Variants in CEP112 observed in about 807,000 individuals in gnomAD.
CEP112 encodes the protein centrosomal protein of 112 kDa.
In CEP112, 127 loss-of-function variants were observed where a neutral mutation model predicts 153.0. The observed-to-expected ratio is 0.83, with a 90% CI of 0.72 to 0.96. The LOEUF is 0.96. CEP112 is among the 40% of genes least tolerant of loss of function. The pLI is 0.00. For missense variants in CEP112, 1,089 were observed against 1,101.2 expected, an observed-to-expected ratio of 0.99 and a Z score of 0.16; for synonymous variants, 358 against 374.4, an observed-to-expected ratio of 0.96 and a Z score of 0.51.
chr17:66,122,539 C>T lies in CEP112; in HGVS notation c.642+7207G>A, dbSNP rs2069650057. 2.0e-5 allele frequency among the ~76,000 whole-genome samples: 3 copies of T among 152,068 alleles called. No individual in the cohort carries two copies. In the South Asian group the frequency reaches 6.2e-4, roughly 32 times the overall value. On this transcript the variant is annotated intron_variant, in intron 6 of 26. Coordinates refer to ENST00000535342, the MANE Select transcript of CEP112 (RefSeq NM_001199165.4). ...CACAGGGTGAAGACTTTGGAATCACCCCTCAGTGTATGCAGCCTTGGGCAT... is the reference window on the plus strand; with the variant it reads ...CACAGGGTGAAGACTTTGGAATCACTCCTCAGTGTATGCAGCCTTGGGCAT...
Position 65,923,320 on chromosome 17 carries a change from T to C in CEP112, c.1980+4262A>G, listed in dbSNP as rs182199903. ...TTTGTTGGTCATTTTTTACATTGCA[T>C]ATAAATTGTCTGAATTTATTTTCTA... On this transcript the variant is annotated intron_variant, in intron 19 of 26. Transcript: ENST00000535342. Among the ~76,000 whole-genome samples the C allele has an allele frequency of 5.3e-5, 8 of 152,346 alleles. No individual in the cohort carries two copies. The East Asian group carries it at 1.3e-3, about 26-fold the overall frequency.
At chr17:65,977,766 C>A (rs547651406) in intron 17 of CEP112, among the ~76,000 whole-genome samples, 2 of 152,066 alleles carry the variant, frequency 1.3e-5, no homozygotes, top group Non-Finnish European at 2.9e-5. Context: ...CAACGTGAGA[C>A]CCTGTCTTTA....
intron 20 of CEP112, among the ~76,000 whole-genome samples, chr17:65,893,712 C>T (rs2059560019): frequency 6.6e-6 from 1 of 151,868 alleles, no homozygotes; most frequent in African/African-American, 2.4e-5. Context: ...GAAAACAGAC[C>T]ATTATTTTCA....
In CEP112 at chr17:65,897,961, A is replaced by G. The variant is rs1454274237; in HGVS notation, c.2163+4191T>C. Reference sequence around the variant, plus strand: ...GTCATTACATAATTAGAATTATACAATTCACAGCAAAGTTTCCCTCTTTGC... The same window carrying G: ...GTCATTACATAATTAGAATTATACAGTTCACAGCAAAGTTTCCCTCTTTGC... On this transcript the variant is annotated intron_variant, in intron 20 of 26. Transcript: ENST00000535342. Among the ~76,000 whole-genome samples, 6 of 152,218 alleles carry G rather than the reference A, an allele frequency of 3.9e-5. No individual in the cohort carries two copies. The East Asian group carries it at 1.2e-3, about 29-fold the overall frequency.
At chr17:66,102,993 C>A (rs1386614358) in intron 6 of CEP112, among the ~76,000 whole-genome samples, 4 of 151,070 alleles carry the variant, frequency 2.6e-5, no homozygotes, top group African/African-American at 7.3e-5. Flanking sequence ...GGAGGCTGAG[C>A]TGGGCAGATC....
intron 23 of CEP112, among the ~76,000 whole-genome samples, chr17:65,706,068 C>T (rs1486343967): frequency 6.6e-6 from 1 of 152,196 alleles, no homozygotes; most frequent in Non-Finnish European, 1.5e-5. Flanking sequence ...GGGTGACAAG[C>T]ACACAGGAGT....
At chr17:66,184,736 C>T (rs1458302596) in intron 1 of CEP112, among the ~76,000 whole-genome samples, 1 of 152,138 alleles carries the variant, frequency 6.6e-6, no homozygotes, top group Admixed American at 6.5e-5. Context: ...CCAGAAATCC[C>T]ACTCCCAAGT....
chr17:65,750,828 C>A, intron 21 of CEP112, 104 bp from the exon 22 acceptor site: 1 of 988,396 alleles, frequency 1.0e-6, no homozygotes, highest in Non-Finnish European at 1.6e-6. Context: ...AGCTGCACCG[C>A]CCTTCTGGGG....
At chr17:65,824,035 G>A (rs1254088385) in intron 21 of CEP112, among the ~76,000 whole-genome samples, 1 of 152,108 alleles carries the variant, frequency 6.6e-6, no homozygotes, top group Non-Finnish European at 1.5e-5. Context: ...GAGACAGTTT[G>A]GCAGTTTCTA....
intron 8 of CEP112, among the ~76,000 whole-genome samples, chr17:66,084,109 A>G (rs916696828): frequency 1.3e-5 from 2 of 152,216 alleles, no homozygotes; most frequent in African/African-American, 4.8e-5. Context: ...CTACCAGGAG[A>G]TATCATTTCA....
intron 21 of CEP112, among the ~76,000 whole-genome samples, chr17:65,796,052 A>C (rs964657073): frequency 6.6e-6 from 1 of 152,060 alleles, no homozygotes; most frequent in African/African-American, 2.4e-5. Flanking sequence ...GAGTGCTCCC[A>C]ACAGTTAGAA....
At chr17:65,747,617 C>T (rs2051552044) in intron 22 of CEP112, among the ~76,000 whole-genome samples, 1 of 152,152 alleles carries the variant, frequency 6.6e-6, no homozygotes, top group South Asian at 2.1e-4. Context: ...CACTCACCAC[C>T]ACTGCAGTGT....
intron 21 of CEP112, among the ~76,000 whole-genome samples, chr17:65,846,599 C>G (rs142465713): frequency 2.0e-5 from 3 of 152,182 alleles, no homozygotes; most frequent in Non-Finnish European, 4.4e-5. Flanking sequence ...GACGGAGTCT[C>G]GCTCTGTTGC....
chr17:65,965,518 C>CCTA (rs1555734627), intron 17 of CEP112, among the ~76,000 whole-genome samples: 1 of 122,074 alleles, frequency 8.2e-6, no homozygotes, highest in Admixed American at 8.6e-5. Flanking sequence ...CTTCTGCCCC[C>CCTA]TTTTTTTTTT....
chr17:66,066,989 C>T (rs1253223066), intron 9 of CEP112, 112 bp from the exon 10 acceptor site: 3 of 544,418 alleles, frequency 5.5e-6, no homozygotes, highest in Non-Finnish European at 8.6e-6. Flanking sequence ...GTGATTTTAA[C>T]AAATATGACT....
intron 24 of CEP112, among the ~76,000 whole-genome samples, chr17:65,668,903 C>T (rs1242614645): frequency 6.6e-6 from 1 of 152,188 alleles, no homozygotes; most frequent in East Asian, 1.9e-4. Context: ...CTCCATCACT[C>T]CACTTACAGA....
chr17:66,093,515 A>G (rs2068223112), intron 8 of CEP112, among the ~76,000 whole-genome samples: 1 of 151,964 alleles, frequency 6.6e-6, no homozygotes, highest in African/African-American at 2.4e-5. Context: ...TACAAAAATC[A>G]GTAGCCATTT....
chr17:65,757,581 T>G (rs1402248421), intron 21 of CEP112, among the ~76,000 whole-genome samples: 2 of 152,216 alleles, frequency 1.3e-5, no homozygotes, highest in Non-Finnish European at 2.9e-5. Context: ...GAAGCACTTC[T>G]GGAATTTGCT....
At chr17:66,146,508 G>T (rs2070926406) in intron 4 of CEP112, among the ~76,000 whole-genome samples, 1 of 151,726 alleles carries the variant, frequency 6.6e-6, no homozygotes, top group Admixed American at 6.6e-5. Flanking sequence ...TATCAATTGT[G>T]GTAAAATACA....
Sources: allele counts gnomAD v4.1 joint callset (sites outside exome capture counted in the v4.1 genomes callset), GRCh38; gene constraint gnomAD v4.1.1; transcripts MANE v1.5; gene names NCBI Gene and HGNC (gene_info 2026-07-23, HGNC 2026-07-21).